The following NFYC variants were observed in gnomAD, a reference collection of about 807,000 sequenced individuals.
The protein encoded by NFYC is nuclear transcription factor Y subunit gamma, also known as CAAT box DNA-binding protein subunit C.
In NFYC, 25 loss-of-function variants were observed where a neutral mutation model predicts 53.1. The ratio of observed to expected loss-of-function variants is 0.47; its 90% CI spans 0.34 to 0.66. NFYC has a LOEUF of 0.66. Ranked by LOEUF, NFYC falls within the 30% of genes least tolerant of loss-of-function variation. NFYC has a pLI of 0.01. For synonymous variants in NFYC, 145 were observed against 152.6 expected, an observed-to-expected ratio of 0.95 and a Z score of 0.37; for missense variants, 260 against 422.7, an observed-to-expected ratio of 0.62 and a Z score of 3.38.
At chr1:40,745,586 C>G (rs1645569449) in intron 2 of NFYC, among the ~76,000 whole-genome samples, 1 of 152,166 alleles carries the variant, frequency 6.6e-6, no homozygotes, top group South Asian at 2.1e-4. Flanking sequence ...TTGTCTCTCT[C>G]TCTGTCTTTG....
intron 2 of NFYC, among the ~76,000 whole-genome samples, chr1:40,744,037 G>T (rs981178272): frequency 1.3e-5 from 2 of 152,168 alleles, no homozygotes; most frequent in Non-Finnish European, 2.9e-5. Context: ...GCCACAGACC[G>T]GTATGGGTCC....
At chr1:40,697,740 G>A (rs575767375) in intron 1 of NFYC, among the ~76,000 whole-genome samples, 109 of 152,300 alleles carry the variant, frequency 7.2e-4, no homozygotes, top group Non-Finnish European at 1.2e-3. Flanking sequence ...GAAGTAAGCA[G>A]TTAGACAGTA....
intron 1 of NFYC, chr1:40,712,946 C>T (rs1403669824): frequency 6.6e-6 from 1 of 152,102 alleles, no homozygotes; most frequent in Non-Finnish European, 1.5e-5. Flanking sequence ...AAGTGATCCT[C>T]CTGCCTTGGC....
In NFYC at chr1:40,770,801, G is replaced by A; in HGVS notation, c.981G>A (p.Gly327=). The change falls in exon 10 of 10, where the codon GGG becomes GGA. Residue 327 remains glycine (G), a synonymous_variant. Coordinates refer to ENST00000447388, the MANE Select transcript of NFYC (RefSeq NM_014223.5). This position sits in a 1 kb window ranked among gnomAD's most constrained non-coding sequence, Gnocchi z 5.3. Reference sequence around the variant, plus strand: ...AGTCAGCCAACCAGCCCTCCGACGGGCAGGCCCCCCAGGTGACCGGCGACT... The same window carrying A: ...AGTCAGCCAACCAGCCCTCCGACGGACAGGCCCCCCAGGTGACCGGCGACT... The part of the protein sequence containing the change: ...FIQSANQPSD[G]QAPQVTGD 3 of 1,611,282 alleles carry A rather than the reference G, an allele frequency of 1.9e-6. No homozygotes were observed. The highest frequency in any genetic ancestry group is 1.7e-6 in the Non-Finnish European group (2 of 1,180,020).
intron 5 of NFYC, among the ~76,000 whole-genome samples, chr1:40,754,958 G>A (rs889372634): frequency 6.6e-6 from 1 of 152,126 alleles, no homozygotes; most frequent in Admixed American, 6.5e-5. Flanking sequence ...CATCGTATTC[G>A]GGACAGCTGC....
intron 1 of NFYC, among the ~76,000 whole-genome samples, chr1:40,695,435 G>GT (rs1231068708): frequency 6.6e-6 from 1 of 151,966 alleles, no homozygotes; most frequent in Admixed American, 6.6e-5. Flanking sequence ...GTTTTGTTTT[G>GT]TTTTTTGAGA....
At chr1:40,767,269 C>T (rs1646864704) in intron 8 of NFYC, 1 of 392,020 alleles carries the variant, frequency 2.6e-6, no homozygotes, top group Middle Eastern at 7.7e-4. Flanking sequence ...ATGGGGGGTG[C>T]TGGTCAAGGG....
chr1:40,731,624 A>G (rs1408130378), intron 1 of NFYC, among the ~76,000 whole-genome samples: 1 of 152,006 alleles, frequency 6.6e-6, no homozygotes, highest in Admixed American at 6.6e-5. Context: ...AGCTGGGACT[A>G]CAGGTGTACG....
At chr1:40,692,701 A>G (rs656230) in intron 1 of NFYC, among the ~76,000 whole-genome samples, 119,332 of 152,040 alleles carry the variant, frequency 0.78, 47,461 homozygotes, top group African/African-American at 0.9. Context: ...GAGTCAACGG[A>G]CCTGGGATGT....
At chr1:40,699,498 A>G (rs558099889) in intron 1 of NFYC, among the ~76,000 whole-genome samples, 1 of 152,330 alleles carries the variant, frequency 6.6e-6, no homozygotes, top group South Asian at 2.1e-4. Context: ...AAAAATTATT[A>G]CTGTACCCTG....
In NFYC at chr1:40,750,449, C is replaced by T. The variant is rs368773186; in HGVS notation, c.291+763C>T. On this transcript the variant is annotated intron_variant, in intron 4 of 9. Coordinates refer to ENST00000447388, the MANE Select transcript of NFYC (RefSeq NM_014223.5). Reference sequence around the variant, plus strand: ...TACTTACTGAACACCCACAATGTGCCGGGCACTTTTCTAGGCTCTGGGGAT... The same window carrying T: ...TACTTACTGAACACCCACAATGTGCTGGGCACTTTTCTAGGCTCTGGGGAT... Among the ~76,000 whole-genome samples the T allele has an allele frequency of 5.9e-5, 9 of 152,148 alleles. No individual in the cohort carries two copies. The East Asian group carries it at 7.7e-4, about 13-fold the overall frequency.
intron 1 of NFYC, among the ~76,000 whole-genome samples, chr1:40,694,734 A>T (rs1321573757): frequency 6.6e-6 from 1 of 151,828 alleles, no homozygotes; most frequent in African/African-American, 2.4e-5. Context: ...CCTTATACCC[A>T]TGGCCACCTT....
Position 40,738,859 on chromosome 1 carries a change from G to A in NFYC, c.16G>A (p.Gly6Arg), listed in dbSNP as rs563469372. 1 of 1,613,998 alleles carries A rather than the reference G, an allele frequency of 6.2e-7. No individual in the cohort carries two copies. Among genetic ancestry groups the A allele is most frequent in the South Asian group, 1.1e-5 (1 of 91,084 alleles). Residue 6 changes from glycine (G) to arginine (R), a missense_variant, in exon 2 of 10, where the codon GGA becomes AGA. By Grantham distance (125) the Gly-to-Arg change is moderately radical. Coordinates refer to ENST00000447388, the MANE Select transcript of NFYC (RefSeq NM_014223.5). Reference protein sequence around the residue: MSTEGGFGGTSSSDAQ... With the variant: MSTEGRFGGTSSSDAQ... ...AGTTGTCGAGATGTCCACAGAAGGA[G>A]GATTTGGTGGTACTAGCAGCAGTGA...
chr1:40,770,904 C>T lies in NFYC; in HGVS notation c.*76C>T. 1.3e-6 allele frequency: 2 copies of T among 1,532,606 alleles called. No individual in the cohort carries two copies. The highest frequency in any genetic ancestry group is 1.8e-6 in the Non-Finnish European group (2 of 1,127,730). 94.9% of individuals were successfully genotyped at this position (1,532,606 alleles called of 1,614,324 possible). A position where few individuals can be genotyped will look rare whatever the true frequency, so the allele number is the denominator to read the frequency against. On this transcript the variant is annotated 3_prime_UTR_variant, in exon 10 of 10. Transcript: ENST00000447388. The surrounding 1 kb of genome is among the most constrained non-coding windows in gnomAD (Gnocchi z 5.3). ...GCCCCAGGCAATGGGCACAGCCTTC[C>T]TCCCCAGAGGACCCGGCCGACCTCA...
rs1423598847 is a variant in NFYC at position 40,749,553 on chromosome 1, A to G, written c.178-20A>G. 4 of 1,586,790 alleles carry G rather than the reference A, an allele frequency of 2.5e-6. No individual in the cohort carries two copies. The Admixed American group carries it at 6.7e-5, about 26-fold the overall frequency. The stretch of plus-strand genomic sequence containing the variant: ...CATGACTTGCTGGTGATTGACAGGG[A>G]GGGCCTGTGTCTGTTACAGATGATC... On this transcript the variant is annotated intron_variant, in intron 3 of 9. Transcript: ENST00000447388.
chr1:40,761,971 C>G (rs1646571765), intron 6 of NFYC, among the ~76,000 whole-genome samples: 1 of 151,576 alleles, frequency 6.6e-6, no homozygotes, highest in Non-Finnish European at 1.5e-5. Flanking sequence ...CAGATAGGCT[C>G]ACTGCTCTAG....
chr1:40,765,219 T>C (rs890884697), intron 7 of NFYC, among the ~76,000 whole-genome samples: 3 of 152,192 alleles, frequency 2.0e-5, no homozygotes, highest in Non-Finnish European at 4.4e-5. Context: ...TCCCAGCAGC[T>C]TCTCTTGGCA....
intron 1 of NFYC, among the ~76,000 whole-genome samples, chr1:40,714,273 T>C (rs1253842476): frequency 2.6e-5 from 4 of 152,310 alleles, no homozygotes; most frequent in African/African-American, 7.2e-5. Context: ...AAGACTAAAA[T>C]AGGAATCATT....
rs765106520 is a variant in NFYC, at chr1:40,770,642, G to T, written c.889-67G>T. 3.7e-6 allele frequency: 6 copies of T among 1,613,904 alleles called. No homozygotes were observed. The African/African-American group carries it at 8.0e-5, about 22-fold the overall frequency. ...TATCTGGGACCCCCAACCAGCTCGA[G>T]ACCCATAGGGAGCTGCATGCCCCTC... On this transcript the variant is annotated intron_variant, in intron 9 of 9. Transcript: ENST00000447388. The surrounding 1 kb of genome is among the most constrained non-coding windows in gnomAD (Gnocchi z 5.3).
Sources: gnomAD v4.1 joint callset for allele counts (sites outside exome capture counted in the v4.1 genomes callset) on GRCh38, gnomAD v4.1.1 for gene constraint, Gnocchi (gnomAD v3.1) non-coding constraint, MANE v1.5 for transcripts, NCBI Gene and HGNC (gene_info 2026-07-23, HGNC 2026-07-21) for gene names.